MERTK: variants seen among roughly 807,000 people sequenced by gnomAD.
MERTK encodes MER proto-oncogene, tyrosine kinase.
MERTK carries 69 observed loss-of-function variants against 99.3 expected under a neutral mutation model. The observed-to-expected ratio is 0.70, with a 90% confidence interval of 0.57 to 0.85. The LOEUF is 0.85. MERTK is among the 40% of genes least tolerant of loss of function. The pLI is 0.00. For synonymous variants in MERTK, 426 were observed against 467.6 expected (o/e 0.91, Z 1.15); for missense variants, 1,125 against 1,249.4 (o/e 0.90, Z 1.50).
chr2:111,899,941 G>A (rs895177987), intron 1 of MERTK, among the ~76,000 whole-genome samples: 1 of 152,040 alleles, frequency 6.6e-6, no homozygotes, highest in Non-Finnish European at 1.5e-5. Flanking sequence ...GATCGCTGAT[G>A]CACTTCTTGA....
intron 6 of MERTK, 105 bp downstream of exon 6, chr2:111,968,357 T>A: frequency 5.7e-6 from 5 of 879,314 alleles, no homozygotes; most frequent in Non-Finnish European, 9.5e-6. Context: ...TCTCCATCTC[T>A]GTACAGAGTC....
At chr2:112,000,545 T>C (rs1202930254) in intron 10 of MERTK, among the ~76,000 whole-genome samples, 1 of 152,174 alleles carries the variant, frequency 6.6e-6, no homozygotes, top group Non-Finnish European at 1.5e-5. Context: ...TTGCTGATAA[T>C]GAGCAGGGGT....
At chr2:111,974,335 G>A (rs1315938166) in intron 6 of MERTK, among the ~76,000 whole-genome samples, 1 of 151,788 alleles carries the variant, frequency 6.6e-6, no homozygotes, top group Non-Finnish European at 1.5e-5. Flanking sequence ...CCTGGGAGAC[G>A]GAGGTCAAAC....
chr2:111,970,731 T>C (rs1573609903), intron 6 of MERTK, among the ~76,000 whole-genome samples: 12 of 99,984 alleles, frequency 1.2e-4, no homozygotes, highest in African/African-American at 2.4e-4. Context: ...TTGTCCTTCC[T>C]CCCCCTACTC....
chr2:112,026,396 G>T (rs1677461701), intron 18 of MERTK, among the ~76,000 whole-genome samples: 1 of 152,174 alleles, frequency 6.6e-6, no homozygotes, highest in South Asian at 2.1e-4. Flanking sequence ...GCCTCTTGAT[G>T]AAATAATGAA....
chr2:112,029,415 G>A lies in MERTK; in HGVS notation c.*551G>A, dbSNP rs1677536468. The A allele has an allele frequency of 1.2e-6, 1 of 849,486 alleles. No individual in the cohort carries two copies. Among genetic ancestry groups the A allele is most frequent in the South Asian group, 5.4e-5 (1 of 18,548 alleles). The allele number at this position is 849,486 out of a possible 1,614,324, so 52.6% of individuals were successfully genotyped here. ...ACTTGAAAGACAGTGGTCGGCAGCG[G>A]CCTTGTGGCCTTTGCAAAGGAATTC... On this transcript the variant is annotated 3_prime_UTR_variant, in exon 19 of 19. Transcript: ENST00000295408.
rs1374245271 is a variant in MERTK at position 111,908,993 on chromosome 2, A to T, written c.61+10197A>T. The stretch of plus-strand genomic sequence containing the variant: ...ACATATTTCTCAAAAGAAGAAATAC[A>T]AATGGCTAACAGATAAATATATGAA... On this transcript the variant is annotated intron_variant, in intron 1 of 18. Coordinates refer to ENST00000295408, the MANE Select transcript of MERTK (RefSeq NM_006343.3). 5.9e-5 allele frequency among the ~76,000 whole-genome samples: 9 copies of T among 152,408 alleles called. No individual in the cohort carries two copies. In the South Asian group the frequency reaches 1.9e-3, roughly 32 times the overall value.
At chr2:111,984,093 G>A (rs1377521485) in intron 8 of MERTK, among the ~76,000 whole-genome samples, 1 of 152,168 alleles carries the variant, frequency 6.6e-6, no homozygotes, top group Non-Finnish European at 1.5e-5. Flanking sequence ...TTTAGTCAGA[G>A]TCTGAAGGCC....
intron 1 of MERTK, among the ~76,000 whole-genome samples, chr2:111,899,129 G>A (rs1164148143): frequency 6.6e-6 from 1 of 152,214 alleles, no homozygotes; most frequent in African/African-American, 2.4e-5. Context: ...AAGTTCCGAC[G>A]AGTGGAACGT....
chr2:111,933,918 T>C (rs1188909610), intron 2 of MERTK, among the ~76,000 whole-genome samples: 1 of 133,842 alleles, frequency 7.5e-6, no homozygotes, highest in East Asian at 2.5e-4. Flanking sequence ...CCCTTCCCTG[T>C]GTCCACGTGT....
chr2:111,987,607 T>C (rs1190489881), intron 8 of MERTK, among the ~76,000 whole-genome samples: 1 of 152,174 alleles, frequency 6.6e-6, no homozygotes, highest in African/African-American at 2.4e-5. Context: ...AATGGGACAG[T>C]CTTTTATTAA....
intron 18 of MERTK, 135 bp downstream of exon 18, chr2:112,022,529 A>G (rs1158576332): frequency 7.9e-7 from 1 of 1,261,494 alleles, no homozygotes; most frequent in African/African-American, 1.5e-5. Context: ...GAGGGGTGGA[A>G]CCCACAGACA....
In MERTK at chr2:112,009,507, C is replaced by G. The variant is rs75895891; in HGVS notation, c.1961-441C>G. Among the ~76,000 whole-genome samples the G allele has an allele frequency of 3.1e-3, 476 of 152,330 alleles. 4 individuals carry two copies. Among genetic ancestry groups the G allele is most frequent in the African/African-American group, 0.011 (453 of 41,566 alleles). On this transcript the variant is annotated intron_variant, in intron 14 of 18. Transcript: ENST00000295408. ...TGGACTTCTTCACGTGATTAAATATCTATCACATGAAACTAGTTCGCCCTA... is the reference window on the plus strand; with the variant it reads ...TGGACTTCTTCACGTGATTAAATATGTATCACATGAAACTAGTTCGCCCTA...
At chr2:111,939,054 T>C (rs1404107799) in intron 2 of MERTK, among the ~76,000 whole-genome samples, 1 of 152,230 alleles carries the variant, frequency 6.6e-6, no homozygotes, top group Non-Finnish European at 1.5e-5. Flanking sequence ...TAGTCTGTTT[T>C]CTGTTGCTTA....
At chr2:111,899,499 A>G (rs902539374) in intron 1 of MERTK, among the ~76,000 whole-genome samples, 2 of 151,554 alleles carry the variant, frequency 1.3e-5, no homozygotes, top group Admixed American at 1.3e-4. Context: ...ATCTGGATTC[A>G]GCGAAGTGTT....
intron 18 of MERTK, among the ~76,000 whole-genome samples, chr2:112,025,452 C>T (rs1170282386): frequency 3.9e-5 from 6 of 152,202 alleles, no homozygotes; most frequent in African/African-American, 1.4e-4. Context: ...CTGCCTCTTG[C>T]CTGCTTCTTG....
intron 15 of MERTK, among the ~76,000 whole-genome samples, chr2:112,015,627 G>T (rs947141435): frequency 1.4e-4 from 22 of 151,858 alleles, no homozygotes; most frequent in African/African-American, 4.6e-4. Context: ...CAAGTTTGTA[G>T]CTTGTCATTG....
chr2:111,965,130 A>G (rs1172573920), intron 4 of MERTK, 61 bp from the exon 5 acceptor site: 1 of 1,428,402 alleles, frequency 7.0e-7, no homozygotes, highest in Non-Finnish European at 9.9e-7. Flanking sequence ...CAACCATAGA[A>G]TTGTAGTGAA....
chr2:112,001,265 C>T lies in MERTK; in HGVS notation c.1669C>T (p.Arg557Trp), dbSNP rs867486301. 21 of 1,613,590 alleles carry T rather than the reference C, an allele frequency of 1.3e-5. No homozygotes were observed. The highest frequency in any genetic ancestry group is 6.7e-5 in the East Asian group (3 of 44,888). Residue 557 changes from arginine (R) to tryptophan (W), a missense_variant, in exon 11 of 19, where the codon CGG becomes TGG. Arg to Trp is a moderately radical substitution (Grantham distance 101). Coordinates refer to ENST00000295408, the MANE Select transcript of MERTK (RefSeq NM_006343.3). ...VNYIAKKSFCRRAIELTLHSL... is the reference protein window; with the variant it reads ...VNYIAKKSFCWRAIELTLHSL... ...TTATATAGCAAAGAAATCCTTCTGT[C>T]GGCGAGCCATTGAACTTACCTGTAA...
Sources: allele counts gnomAD v4.1 joint callset (sites outside exome capture counted in the v4.1 genomes callset), GRCh38; gene constraint gnomAD v4.1.1; transcripts MANE v1.5; gene names NCBI Gene and HGNC (gene_info 2026-07-23, HGNC 2026-07-21).